EIF5B: variants seen among roughly 807,000 people sequenced by gnomAD.
The protein encoded by EIF5B is eukaryotic translation initiation factor 5B, also known as eIF-5B.
EIF5B carries 47 observed loss-of-function variants against 147.5 expected under a neutral mutation model. That is an observed-to-expected ratio of 0.32 (90% CI 0.25 to 0.41). The LOEUF (loss-of-function observed/expected upper bound fraction) is 0.41. Among genes scored for constraint, EIF5B ranks in the 10% least tolerant of loss-of-function variants. The pLI, the probability that EIF5B is intolerant of heterozygous loss-of-function variation, is 1.00. For missense variants in EIF5B, 1,064 were observed against 1,413.2 expected (o/e 0.75, Z 3.96); for synonymous variants, 455 against 456.2 (o/e 1.00, Z 0.03).
rs1675320128 is a variant in EIF5B, at chr2:99,401,061, C to T, written c.*1647C>T. ...CTATGCTACAGTAAAATAATTAACA[C>T]AATTATTTACATGCAATACTGACAA... is the stretch of plus-strand genomic sequence containing the variant. On this transcript the variant is annotated 3_prime_UTR_variant, in exon 24 of 24. Transcript: ENST00000289371. 2.3e-6 allele frequency: 1 copy of T among 441,086 alleles called. No homozygotes were observed. Among genetic ancestry groups the T allele is most frequent in the Non-Finnish European group, 4.1e-6 (1 of 244,860 alleles). The allele number at this position is 441,086 out of a possible 1,614,324, so 27.3% of individuals were successfully genotyped here.
At chr2:99,389,967 C>G in intron 15 of EIF5B, 118 bp downstream of exon 15, 2 of 1,364,858 alleles carry the variant, frequency 1.5e-6, no homozygotes, top group Middle Eastern at 2.7e-4. Flanking sequence ...ACAGCAATTA[C>G]TTTTTTTAAA....
intron 8 of EIF5B, chr2:99,371,282 A>T (rs1265959212): frequency 6.2e-6 from 1 of 161,006 alleles, no homozygotes; most frequent in African/African-American, 2.4e-5. Context: ...AGGTCAGCAG[A>T]TCGAGACAAT....
intron 1 of EIF5B, chr2:99,338,439 C>G (rs2094249588): frequency 2.4e-6 from 2 of 828,838 alleles, no homozygotes; most frequent in Admixed American, 4.7e-5. Context: ...ACACTACCCA[C>G]CAAACTTAAA....
chr2:99,376,242 T>A, intron 9 of EIF5B, 105 bp from the exon 10 acceptor site: 1 of 715,310 alleles, frequency 1.4e-6, no homozygotes, highest in Non-Finnish European at 2.2e-6. Flanking sequence ...GTAATGTGGC[T>A]CAGGGAAGCC....
rs766900505 is a variant in EIF5B at position 99,363,907 on chromosome 2, A to AT, written c.1137+45_1137+46insT. On this transcript the variant is annotated intron_variant, in intron 5 of 23. Coordinates refer to ENST00000289371, the MANE Select transcript of EIF5B (RefSeq NM_015904.4). ...GTAACATTGATATTGTGTTTAACTT[A>AT]AAATCTATTCTCTGTAAAATATCTT... 72 of 1,550,032 alleles carry AT rather than the reference A, an allele frequency of 4.6e-5. No homozygotes were observed. The Admixed American group carries it at 8.4e-4, about 18-fold the overall frequency.
At chr2:99,390,518 T>C (rs1674902703) in intron 16 of EIF5B, 26 bp from the exon 17 acceptor site, 4 of 1,600,064 alleles carry the variant, frequency 2.5e-6, no homozygotes, top group Non-Finnish European at 3.4e-6. Flanking sequence ...TATGTATGTC[T>C]TTCTCTTTGC....
In EIF5B at chr2:99,371,679, G is replaced by A; in HGVS notation, c.1501G>A (p.Ala501Thr). The change falls in exon 9 of 24, where the codon GCT becomes ACT. Residue 501 changes from alanine to threonine, a missense_variant. Transcript: ENST00000289371. ...EPEEEEDTEDAGLDDWEAMAS... is the reference protein window; with the variant it reads ...EPEEEEDTEDTGLDDWEAMAS... ...AGAAGAAGAAGAAGATACTGAGGAT[G>A]CTGGATTGGATGATTGGGAAGCTAT... The A allele has an allele frequency of 6.2e-7, 1 of 1,612,916 alleles. No homozygotes were observed. Among genetic ancestry groups the A allele is most frequent in the Non-Finnish European group, 8.5e-7 (1 of 1,179,406 alleles).
rs1360412452 is a variant in EIF5B, at chr2:99,400,958, G to GTTCT, written c.*1547_*1550dup. 4 of 203,926 alleles carry GTTCT rather than the reference G, an allele frequency of 2.0e-5. No individual in the cohort carries two copies. The highest frequency in any genetic ancestry group is 1.1e-4 in the Admixed American group (2 of 18,504). 12.6% of individuals were successfully genotyped at this position (203,926 alleles called of 1,614,324 possible). A position where few individuals can be genotyped will look rare whatever the true frequency, so the allele number is the denominator to read the frequency against. On this transcript the variant is annotated 3_prime_UTR_variant, in exon 24 of 24. Coordinates refer to ENST00000289371, the MANE Select transcript of EIF5B (RefSeq NM_015904.4). ...GGAGCCTGTACAAAATATACATACA[G>GTTCT]TTCTTTATTAAACAACTGTAAACAC...
At chr2:99,358,978 C>T (rs1373147346) in intron 1 of EIF5B, among the ~76,000 whole-genome samples, 1 of 152,214 alleles carries the variant, frequency 6.6e-6, no homozygotes, top group South Asian at 2.1e-4. Context: ...TATTAAGCGC[C>T]TTAAGGCTAA....
At position 99,337,452 on chromosome 2, in the gene EIF5B, A is replaced by G. The variant is rs1431090732; in HGVS notation, c.-103A>G. 2.2e-5 allele frequency: 32 copies of G among 1,461,520 alleles called. No homozygotes were observed. Among genetic ancestry groups the G allele is most frequent in the Middle Eastern group, 1.7e-4 (1 of 5,818 alleles). The allele number at this position is 1,461,520 out of a possible 1,614,324, so 90.5% of individuals were successfully genotyped here. ...AGAGCCGGGTGCGAGCGGCGGCAGC[A>G]CGAGGGGAAAAGAGCTGAGCGGAGA... On this transcript the variant is annotated 5_prime_UTR_variant, in exon 1 of 24. Coordinates refer to ENST00000289371, the MANE Select transcript of EIF5B (RefSeq NM_015904.4).
chr2:99,347,724 T>C (rs533038517), intron 1 of EIF5B, among the ~76,000 whole-genome samples: 1 of 152,218 alleles, frequency 6.6e-6, no homozygotes, highest in Admixed American at 6.5e-5. Context: ...GAACTAGTGA[T>C]TTTGAGCTTT....
intron 9 of EIF5B, among the ~76,000 whole-genome samples, chr2:99,374,695 A>G (rs760163281): frequency 2.0e-5 from 3 of 152,104 alleles, no homozygotes; most frequent in Non-Finnish European, 2.9e-5. Flanking sequence ...AATTTTTCAT[A>G]TGGTCTTGCT....
intron 21 of EIF5B, among the ~76,000 whole-genome samples, chr2:99,395,440 C>T (rs1326802978): frequency 6.6e-6 from 1 of 152,184 alleles, no homozygotes; most frequent in Non-Finnish European, 1.5e-5. Context: ...CTCAAGTGAT[C>T]CTCCCACCTT....
chr2:99,342,337 T>C (rs974178436), intron 1 of EIF5B, among the ~76,000 whole-genome samples: 17 of 152,210 alleles, frequency 1.1e-4, no homozygotes, highest in Non-Finnish European at 2.1e-4. Context: ...CTTGACATCT[T>C]TATGGTGTTG....
At position 99,376,617 on chromosome 2, in the gene EIF5B, A is replaced by G. The variant is rs1388866270; in HGVS notation, c.1823A>G (p.Lys608Arg). 6.2e-7 allele frequency: 1 copy of G among 1,602,996 alleles called. No individual in the cohort carries two copies. Among genetic ancestry groups the G allele is most frequent in the Admixed American group, 1.7e-5 (1 of 57,540 alleles). ...DRTKEERAYD[K>R]AKRRIEKRRL... ...ACTAAAGAAGAAAGGGCTTATGACA[A>G]AGCAAAACGGAGGATTGAGGTATTT... The change falls in exon 10 of 24, where the codon AAA becomes AGA. Residue 608 changes from lysine to arginine, a missense_variant. Around this residue, in one of 4 missense-constraint regions of EIF5B, gnomAD observed 195 missense variants for 186.3 expected, o/e 1.05. Coordinates refer to ENST00000289371, the MANE Select transcript of EIF5B (RefSeq NM_015904.4).
At chr2:99,395,241 G>A (rs769893606) in intron 21 of EIF5B, among the ~76,000 whole-genome samples, 6 of 152,202 alleles carry the variant, frequency 3.9e-5, no homozygotes, top group Non-Finnish European at 8.8e-5. Flanking sequence ...TGGGAGAGAA[G>A]TCCATTCCTC....
At chr2:99,391,972 C>T (rs544803114) in intron 17 of EIF5B, among the ~76,000 whole-genome samples, 3 of 151,574 alleles carry the variant, frequency 2.0e-5, no homozygotes, top group Non-Finnish European at 4.4e-5. Flanking sequence ...ATCCACCCAC[C>T]TTGATCTCCC....
At chr2:99,343,423 C>T (rs1156472585) in intron 1 of EIF5B, among the ~76,000 whole-genome samples, 1 of 151,624 alleles carries the variant, frequency 6.6e-6, no homozygotes, top group African/African-American at 2.4e-5. Flanking sequence ...TGTTGAAGTC[C>T]AGTTTATTTT....
At position 99,382,217 on chromosome 2, in the gene EIF5B, A is replaced by C; in HGVS notation, c.2120A>C (p.Glu707Ala). 1 of 1,613,062 alleles carries C rather than the reference A, an allele frequency of 6.2e-7. No individual in the cohort carries two copies. Among genetic ancestry groups the C allele is most frequent in the South Asian group, 1.1e-5 (1 of 90,992 alleles). Residue 707 changes from glutamate (E) to alanine (A), a missense_variant, in exon 13 of 24, where the codon GAA becomes GCA. Coordinates refer to ENST00000289371, the MANE Select transcript of EIF5B (RefSeq NM_015904.4). ...GMLIIDTPGH[E>A]SFSNLRNRGS... is the part of the protein sequence containing the mutation. ...CTAATTATTGATACTCCTGGGCATG[A>C]ATCTTTCAGGTAAGAGCAATTTGAG...
Sources: allele counts gnomAD v4.1 joint callset (sites outside exome capture counted in the v4.1 genomes callset), GRCh38; gene constraint gnomAD v4.1.1; regional missense constraint gnomAD v4.1.1; transcripts MANE v1.5; gene names NCBI Gene and HGNC (gene_info 2026-07-23, HGNC 2026-07-21).